Variants in TCF4 observed in about 807,000 individuals in gnomAD.
TCF4 encodes SL3-3 enhancer factor 2.
Under a neutral mutation model 82.1 loss-of-function variants are expected in TCF4, and 3 were observed. That is an observed-to-expected ratio of 0.04 (90% confidence interval 0.02 to 0.09). TCF4 has a LOEUF of 0.09. TCF4 is among the 10% of genes least tolerant of loss of function. The pLI is 1.00. For missense variants in TCF4, 518 were observed against 852.7 expected (o/e 0.61, Z 4.89); for synonymous variants, 276 against 309.6 (o/e 0.89, Z 1.14).
At chr18:55,235,339 C>A (rs56828204) in intron 15 of TCF4, among the ~76,000 whole-genome samples, 12,804 of 152,114 alleles carry the variant, frequency 0.084, 691 homozygotes, top group African/African-American at 0.14. Context: ...GCCAATGCCA[C>A]CACACCGGAA....
chr18:55,304,967 GCAAAGGAAGCAT>G (rs2069734505), intron 8 of TCF4, among the ~76,000 whole-genome samples: 1 of 152,080 alleles, frequency 6.6e-6, no homozygotes, highest in Non-Finnish European at 1.5e-5. Context: ...CTGTCAAGCA[GCAAAGGAAGCAT>G]GGTGACAGCA....
intron 8 of TCF4, among the ~76,000 whole-genome samples, chr18:55,287,591 C>A (rs572482067): frequency 1.3e-5 from 2 of 152,296 alleles, no homozygotes; most frequent in South Asian, 4.1e-4. Flanking sequence ...CCTGGGCGAT[C>A]CACAAAGGAG....
At chr18:55,354,233 C>T (rs1161375249) in intron 6 of TCF4, among the ~76,000 whole-genome samples, 2 of 152,180 alleles carry the variant, frequency 1.3e-5, no homozygotes, top group East Asian at 1.9e-4. Context: ...TTGGGGTTCA[C>T]CCTCTGCAGC....
chr18:55,583,034 G>A (rs552334986), intron 3 of TCF4, among the ~76,000 whole-genome samples: 1 of 152,190 alleles, frequency 6.6e-6, no homozygotes, highest in East Asian at 1.9e-4. Flanking sequence ...ACAGCCCTGT[G>A]TTCAAATACT....
intron 6 of TCF4, among the ~76,000 whole-genome samples, chr18:55,368,308 G>T (rs780761982): frequency 2.0e-5 from 3 of 152,170 alleles, no homozygotes; most frequent in Non-Finnish European, 4.4e-5. Flanking sequence ...TTGAACCCAG[G>T]AGGCGGAGGT....
chr18:55,327,052 A>G (rs1439549220), intron 8 of TCF4, among the ~76,000 whole-genome samples: 1 of 152,140 alleles, frequency 6.6e-6, no homozygotes, highest in Non-Finnish European at 1.5e-5. Context: ...CAGCCTTGCA[A>G]TTTAATAATG....
At chr18:55,355,721 G>T (rs935674900) in intron 6 of TCF4, among the ~76,000 whole-genome samples, 3 of 151,876 alleles carry the variant, frequency 2.0e-5, no homozygotes, top group Non-Finnish European at 4.4e-5. Flanking sequence ...AGAGGACTTG[G>T]GTAACTTACA....
At chr18:55,462,455 A>C (rs1013139199) in intron 4 of TCF4, among the ~76,000 whole-genome samples, 1 of 152,208 alleles carries the variant, frequency 6.6e-6, no homozygotes, top group East Asian at 1.9e-4. Context: ...GCCTGGGTAT[A>C]AATCTGCCAC....
intron 6 of TCF4, among the ~76,000 whole-genome samples, chr18:55,392,749 T>C (rs1423947574): frequency 6.6e-6 from 1 of 152,198 alleles, no homozygotes; most frequent in African/African-American, 2.4e-5. Context: ...TACTGTCTTA[T>C]AACAGTGTGT....
At chr18:55,344,189 A>T (rs750913717) in intron 8 of TCF4, among the ~76,000 whole-genome samples, 2 of 152,182 alleles carry the variant, frequency 1.3e-5, no homozygotes, top group Non-Finnish European at 2.9e-5. Context: ...AAAACCAAGA[A>T]AACATAGAAA....
chr18:55,306,870 T>A (rs1416196577), intron 8 of TCF4, among the ~76,000 whole-genome samples: 1 of 152,182 alleles, frequency 6.6e-6, no homozygotes, highest in Non-Finnish European at 1.5e-5. Flanking sequence ...TGCAAAATCA[T>A]GAGAATTTTC....
chr18:55,619,012 G>A (rs982740416), intron 2 of TCF4, among the ~76,000 whole-genome samples: 4 of 151,954 alleles, frequency 2.6e-5, no homozygotes, highest in Non-Finnish European at 5.9e-5. Flanking sequence ...TCAGAGCAGT[G>A]CTGGATTCAT....
intron 3 of TCF4, among the ~76,000 whole-genome samples, chr18:55,491,413 G>A (rs2096575440): frequency 6.6e-6 from 1 of 152,074 alleles, no homozygotes; most frequent in African/African-American, 2.4e-5. Context: ...AATCGAAAGG[G>A]CATTTATGTT....
chr18:55,521,457 T>C (rs1023738733), intron 3 of TCF4, among the ~76,000 whole-genome samples: 1 of 152,254 alleles, frequency 6.6e-6, no homozygotes. Context: ...ACTGTACACA[T>C]TAAGTCAAAT....
At chr18:55,593,281 C>G (rs533763954), upstream of TCF4, among the ~76,000 whole-genome samples, 3 of 152,110 alleles carry the variant, frequency 2.0e-5, no homozygotes, top group Admixed American at 1.3e-4. Context: ...AAAATTATAA[C>G]TATCTTAAAT....
intron 8 of TCF4, among the ~76,000 whole-genome samples, chr18:55,284,896 T>C (rs1378576490): frequency 6.6e-6 from 1 of 152,190 alleles, no homozygotes; most frequent in Non-Finnish European, 1.5e-5. Context: ...GCCACTGATG[T>C]CCACAGAACT....
At chr18:55,405,203 A>G (rs1274833613) in intron 5 of TCF4, among the ~76,000 whole-genome samples, 1 of 152,244 alleles carries the variant, frequency 6.6e-6, no homozygotes. Context: ...TTACTAACAG[A>G]AAAGGCTCGA....
intron 6 of TCF4, among the ~76,000 whole-genome samples, chr18:55,392,315 G>A (rs1347079442): frequency 6.6e-6 from 1 of 151,618 alleles, no homozygotes; most frequent in Non-Finnish European, 1.5e-5. Flanking sequence ...TATCCTGACT[G>A]GTTGTCAATA....
At chr18:55,570,156 G>C (rs2097449254) in intron 3 of TCF4, among the ~76,000 whole-genome samples, 2 of 152,164 alleles carry the variant, frequency 1.3e-5, no homozygotes, top group African/African-American at 4.8e-5. Context: ...CTGGAGAAAG[G>C]ATGGACTTTT....
Sources: allele counts gnomAD v4.1 joint callset (sites outside exome capture counted in the v4.1 genomes callset), GRCh38; gene constraint gnomAD v4.1.1; transcripts MANE v1.5; gene names NCBI Gene and HGNC (gene_info 2026-07-23, HGNC 2026-07-21).